Variants in PADI4 observed in about 807,000 individuals in gnomAD.
The protein encoded by PADI4 is protein-arginine deiminase type-4.
In PADI4, 62 loss-of-function variants were observed where a neutral mutation model predicts 75.0. The observed-to-expected ratio is 0.83, with a 90% CI of 0.67 to 1.02. The LOEUF is 1.02. Ranked by LOEUF, PADI4 falls within the 50% of genes least tolerant of loss-of-function variation. PADI4 has a pLI of 0.00. For synonymous variants in PADI4, 361 were observed against 348.1 expected (o/e 1.04, Z -0.41); for missense variants, 845 against 850.5 (o/e 0.99, Z 0.08).
intron 8 of PADI4, among the ~76,000 whole-genome samples, chr1:17,343,081 G>C (rs2074452430): frequency 6.6e-6 from 1 of 152,188 alleles, no homozygotes; most frequent in Non-Finnish European, 1.5e-5. Flanking sequence ...CAGCTACTCG[G>C]GAGGCTGAGG....
At chr1:17,324,124 C>T (rs11203359) in intron 1 of PADI4, among the ~76,000 whole-genome samples, 83,012 of 148,096 alleles carry the variant, frequency 0.56, 23,353 homozygotes, top group East Asian at 0.6. Context: ...GGGTTTGGGG[C>T]TGGCTAATAA....
intron 10 of PADI4, among the ~76,000 whole-genome samples, chr1:17,351,985 G>GCAGT (rs71014939): frequency 7.0e-5 from 4 of 57,122 alleles, no homozygotes; most frequent in African/African-American, 1.6e-4. Context: ...GTGATGGGAG[G>GCAGT]AGAGGCAGTC....
chr1:17,359,187 C>T, intron 14 of PADI4, 93 bp from the exon 15 acceptor site: 1 of 940,802 alleles, frequency 1.1e-6, no homozygotes, highest in East Asian at 2.6e-5. Context: ...CAGGTCCTAC[C>T]CTCCGGCAGG....
chr1:17,352,281 G>A (rs528258464), intron 10 of PADI4, among the ~76,000 whole-genome samples: 1 of 150,594 alleles, frequency 6.6e-6, no homozygotes, highest in East Asian at 2.0e-4. Context: ...AGGAGATGGG[G>A]GGCAGTAGAA....
rs567153356 is a variant in PADI4, at chr1:17,309,076, ATTG to A, written c.92+768_92+770del. ...ATGCTCTCGGGGAGTGTGCAGGGTC[ATTG>A]TTGTTATTGTAGAACAGGAATTAAA... On this transcript the variant is annotated intron_variant, in intron 1 of 15. Transcript: ENST00000375448. Among the ~76,000 whole-genome samples, 1,276 of 151,574 alleles carry A rather than the reference ATTG, an allele frequency of 8.4e-3. 13 individuals carry two copies. Among genetic ancestry groups the A allele is most frequent in the Non-Finnish European group, 0.014 (983 of 67,952 alleles).
intron 6 of PADI4, 141 bp downstream of exon 6, chr1:17,339,954 G>A: frequency 1.2e-6 from 1 of 848,606 alleles, no homozygotes; most frequent in Non-Finnish European, 1.8e-6. Flanking sequence ...GGGCAAGACA[G>A]ACGACATCTC....
chr1:17,356,274 C>A lies in PADI4; in HGVS notation c.1456-83C>A, dbSNP rs556755044. On this transcript the variant is annotated intron_variant, in intron 12 of 15. Coordinates refer to ENST00000375448, the MANE Select transcript of PADI4 (RefSeq NM_012387.3). This position sits in a 1 kb window ranked among gnomAD's most constrained non-coding sequence, Gnocchi z 4.1. Reference sequence around the variant, plus strand: ...TGGCCAGCTTGGGTCCAAGTCCACACTACTCCCACCCTCAGCAGATCCACC... The same window carrying A: ...TGGCCAGCTTGGGTCCAAGTCCACAATACTCCCACCCTCAGCAGATCCACC... 1.6e-6 allele frequency: 2 copies of A among 1,263,472 alleles called. No individual in the cohort carries two copies. Among genetic ancestry groups the A allele is most frequent in the East Asian group, 5.0e-5 (2 of 40,096 alleles). 78.3% of individuals were successfully genotyped at this position (1,263,472 alleles called of 1,614,324 possible).
chr1:17,332,656 C>T (rs1006800645), intron 2 of PADI4, among the ~76,000 whole-genome samples: 1 of 152,162 alleles, frequency 6.6e-6, no homozygotes, highest in Admixed American at 6.5e-5. Flanking sequence ...ACCACCATTC[C>T]ACCTACTACA....
rs554816225 is a variant in PADI4, at chr1:17,347,004, C to T, written c.1047+865C>T. Among the ~76,000 whole-genome samples, 16 of 151,588 alleles carry T rather than the reference C, an allele frequency of 1.1e-4. No homozygotes were observed. The South Asian group carries it at 3.1e-3, about 30-fold the overall frequency. On this transcript the variant is annotated intron_variant, in intron 9 of 15. Coordinates refer to ENST00000375448, the MANE Select transcript of PADI4 (RefSeq NM_012387.3). The stretch of plus-strand genomic sequence containing the variant: ...CCAGGCTGGAGTGCAATGGCTCGAT[C>T]TCGGCTCATCACAACCTCTGCCTCC...
In PADI4 at chr1:17,345,905, C is replaced by T. The variant is rs189459383; in HGVS notation, c.936-123C>T. The T allele has an allele frequency of 9.5e-4, 600 of 628,648 alleles. 5 individuals are homozygous for T. The highest frequency in any genetic ancestry group is 6.2e-3 in the East Asian group (223 of 36,088). 38.9% of individuals were successfully genotyped at this position (628,648 alleles called of 1,614,324 possible). ...GCCTGCTAAGAGCAGATGGACCGGA[C>T]GTGCCAGGAGCCTCTGTTCAGGCCA... On this transcript the variant is annotated intron_variant, in intron 8 of 15. Transcript: ENST00000375448.
intron 1 of PADI4, among the ~76,000 whole-genome samples, chr1:17,315,796 G>GGAATT (rs1228961764): frequency 6.6e-6 from 1 of 151,978 alleles, no homozygotes; most frequent in Non-Finnish European, 1.5e-5. Context: ...CTGGGAAAGA[G>GGAATT]GAATTCTTCC....
At chr1:17,333,317 C>T (rs552823692) in intron 2 of PADI4, among the ~76,000 whole-genome samples, 21 of 152,130 alleles carry the variant, frequency 1.4e-4, no homozygotes, top group African/African-American at 4.6e-4. Context: ...TCCTCTTCCT[C>T]TGGTGGCAGC....
At chr1:17,330,882 C>A in intron 1 of PADI4, 87 bp from the exon 2 acceptor site, 3 of 831,438 alleles carry the variant, frequency 3.6e-6, no homozygotes, top group Non-Finnish European at 5.6e-6. Context: ...TAATATTAAC[C>A]ATCACAAGGA....
intron 1 of PADI4, 76 bp from the exon 2 acceptor site, chr1:17,330,893 G>C: frequency 2.1e-6 from 2 of 936,500 alleles, no homozygotes; most frequent in Non-Finnish European, 3.2e-6. Context: ...ATCACAAGGA[G>C]AAATGCTGGG....
chr1:17,321,015 C>A lies in PADI4; in HGVS notation c.93-9954C>A, dbSNP rs115971849. Among the ~76,000 whole-genome samples the A allele has an allele frequency of 8.1e-3, 1,227 of 152,302 alleles. 19 individuals are homozygous for A. Among genetic ancestry groups the A allele is most frequent in the African/African-American group, 0.028 (1,152 of 41,544 alleles). ...TTTCCTTTTCTGTGTAAGGTAACAT[C>A]TTCACAGGTTTGGGGGACTAGGGTG... On this transcript the variant is annotated intron_variant, in intron 1 of 15. Coordinates refer to ENST00000375448, the MANE Select transcript of PADI4 (RefSeq NM_012387.3).
rs1557576784 is a variant in PADI4, at chr1:17,352,043, G to GAA, written c.1156-2490_1156-2489insAA. Among the ~76,000 whole-genome samples, 22 of 117,562 alleles carry GAA rather than the reference G, an allele frequency of 1.9e-4. 3 individuals carry two copies. Among genetic ancestry groups the GAA allele is most frequent in the African/African-American group, 7.1e-4 (20 of 27,974 alleles). 77.1% of individuals were successfully genotyped at this position (117,562 alleles called of 152,430 possible). On this transcript the variant is annotated intron_variant, in intron 10 of 15. Coordinates refer to ENST00000375448, the MANE Select transcript of PADI4 (RefSeq NM_012387.3). ...CGGCCAGGGAGGTGATGGGAGGAGA[G>GAA]GCAGTCAGGGAGGTGATGGGAGGTG... is the stretch of plus-strand genomic sequence containing the variant.
At chr1:17,363,470 C>T (rs369426892) in intron 15 of PADI4, 52 bp from the exon 16 acceptor site, 24 of 1,292,412 alleles carry the variant, frequency 1.9e-5, no homozygotes, top group African/African-American at 8.7e-5. Context: ...GCTCAGATTG[C>T]GCTGCAGGCT....
chr1:17,341,874 A>G (rs2074424552), intron 6 of PADI4, 69 bp from the exon 7 acceptor site: 1 of 1,230,350 alleles, frequency 8.1e-7, no homozygotes, highest in Non-Finnish European at 1.2e-6. Flanking sequence ...TCTGGGGAGC[A>G]CTAAGGAGAG....
At chr1:17,313,579 G>T (rs2073881759) in intron 1 of PADI4, among the ~76,000 whole-genome samples, 1 of 151,272 alleles carries the variant, frequency 6.6e-6, no homozygotes, top group Non-Finnish European at 1.5e-5. Context: ...AGGCAGATTT[G>T]CATGACCCAG....
Sources: gnomAD v4.1 joint callset for allele counts (sites outside exome capture counted in the v4.1 genomes callset) on GRCh38, gnomAD v4.1.1 for gene constraint, Gnocchi (gnomAD v3.1) non-coding constraint, MANE v1.5 for transcripts, NCBI Gene and HGNC (gene_info 2026-07-23, HGNC 2026-07-21) for gene names.